PLCB3: variants seen among roughly 807,000 people sequenced by gnomAD.
PLCB3 encodes the protein phospholipase C beta 3, also known as 1-phosphatidylinositol 4,5-bisphosphate phosphodiesterase beta-3.
PLCB3 carries 54 observed loss-of-function variants against 152.1 expected under a neutral mutation model. That is an observed-to-expected ratio of 0.36 (90% confidence interval 0.29 to 0.45). The LOEUF (loss-of-function observed/expected upper bound fraction) is 0.45. PLCB3 is among the 20% of genes least tolerant of loss of function. The pLI, the probability that PLCB3 is intolerant of heterozygous loss-of-function variation, is 1.00. For missense variants in PLCB3, 1,248 were observed against 1,687.5 expected, an observed-to-expected ratio of 0.74 and a Z score of 4.56; for synonymous variants, 717 against 698.7, an observed-to-expected ratio of 1.03 and a Z score of -0.41.
rs2031881555 is a variant in PLCB3, at chr11:64,262,087, G to A, written c.2038+11G>A. 4 of 1,613,824 alleles carry A rather than the reference G, an allele frequency of 2.5e-6. No homozygotes were observed. The highest frequency in any genetic ancestry group is 3.4e-6 in the Non-Finnish European group (4 of 1,179,964). On this transcript the variant is annotated intron_variant, in intron 17 of 30. Coordinates refer to ENST00000279230, the MANE Select transcript of PLCB3 (RefSeq NM_000932.5). ...ACTTCCAGACCCTCGGTGAGCCCTGGCCCCCTCCATCTTGACCCCGACCCT... is the reference window on the plus strand; with the variant it reads ...ACTTCCAGACCCTCGGTGAGCCCTGACCCCCTCCATCTTGACCCCGACCCT...
rs114945525 is a variant in PLCB3 at position 64,263,148 on chromosome 11, T to C, written c.2355+340T>C. Among the ~76,000 whole-genome samples, 739 of 152,340 alleles carry C rather than the reference T, an allele frequency of 4.9e-3. 5 individuals are homozygous for C. Among genetic ancestry groups the C allele is most frequent in the African/African-American group, 0.017 (701 of 41,574 alleles). Reference sequence around the variant, plus strand: ...CGCTCTTCAGCACCCCGCACGGCCCTGCATGGACGCGGCCTCTGCTCCCAG... The same window carrying C: ...CGCTCTTCAGCACCCCGCACGGCCCCGCATGGACGCGGCCTCTGCTCCCAG... On this transcript the variant is annotated intron_variant, in intron 19 of 30. Coordinates refer to ENST00000279230, the MANE Select transcript of PLCB3 (RefSeq NM_000932.5).
At position 64,255,695 on chromosome 11, in the gene PLCB3, C is replaced by G; in HGVS notation, c.598-26C>G. On this transcript the variant is annotated intron_variant, in intron 7 of 30. Transcript: ENST00000279230. This position sits in a 1 kb window ranked among gnomAD's most constrained non-coding sequence, Gnocchi z 6.8. ...TTACGGGGCTGCCCGCCCCTGGCTT[C>G]TCACCCCACACTCCTCGACCTCCAG... 1 of 1,611,028 alleles carries G rather than the reference C, an allele frequency of 6.2e-7. No homozygotes were observed. The highest frequency in any genetic ancestry group is 8.5e-7 in the Non-Finnish European group (1 of 1,177,520).
chr11:64,257,255 C>T lies in PLCB3; in HGVS notation c.1012+491C>T, dbSNP rs370087722. 2.0e-4 allele frequency among the ~76,000 whole-genome samples: 31 copies of T among 152,248 alleles called. No individual in the cohort carries two copies. The East Asian group carries it at 3.3e-3, about 16-fold the overall frequency. On this transcript the variant is annotated intron_variant, in intron 10 of 30. Coordinates refer to ENST00000279230, the MANE Select transcript of PLCB3 (RefSeq NM_000932.5). ...TCAACCTCAGGTGATCCGCCTGCCT[C>T]GCCCTCCCAAAGTGCTGGGATTATA... is the stretch of plus-strand genomic sequence containing the variant.
At position 64,258,452 on chromosome 11, in the gene PLCB3, G is replaced by C. The variant is rs1422254785; in HGVS notation, c.1013-21G>C. 1 of 1,608,140 alleles carries C rather than the reference G, an allele frequency of 6.2e-7. No individual in the cohort carries two copies. ...AGCTGGGCTGGTGGGCGGCCTCGGT[G>C]ACAGAGCCTCGCCGCCCCAGCGGGG... On this transcript the variant is annotated intron_variant, in intron 10 of 30. Transcript: ENST00000279230. This position sits in a 1 kb window ranked among gnomAD's most constrained non-coding sequence, Gnocchi z 7.2.
At position 64,267,478 on chromosome 11, in the gene PLCB3, C is replaced by G; in HGVS notation, c.3627C>G (p.Ser1209Arg). ...ACGGGCCTCTGGTGGCCTGTGCCAG[C>G]AACGGTCACGCACCCGGGAGCAGCG... ...LGDGPLVACA[S>R]NGHAPGSSGH... Residue 1209 changes from serine (S) to arginine (R), a missense_variant, in exon 31 of 31, where the codon AGC becomes AGG. By Grantham distance (110) the Ser-to-Arg change is moderately radical. Around this residue, in one of 6 missense-constraint regions of PLCB3, gnomAD observed 477 missense variants for 489.6 expected, o/e 0.97. Transcript: ENST00000279230. This position sits in a 1 kb window ranked among gnomAD's most constrained non-coding sequence, Gnocchi z 5.2. 6 of 1,565,698 alleles carry G rather than the reference C, an allele frequency of 3.8e-6. No individual in the cohort carries two copies. Among genetic ancestry groups the G allele is most frequent in the Non-Finnish European group, 5.2e-6 (6 of 1,159,730 alleles).
intron 1 of PLCB3, among the ~76,000 whole-genome samples, chr11:64,252,324 C>T (rs1380322315): frequency 6.6e-6 from 1 of 152,084 alleles, no homozygotes; most frequent in East Asian, 1.9e-4. Context: ...GAGACTTTGC[C>T]CCCCAAGTTC....
Position 64,258,672 on chromosome 11 carries a change from G to A in PLCB3, c.1212G>A (p.Ser404=), listed in dbSNP as rs2244625. 0.64 allele frequency: 1,028,972 copies of A among 1,613,334 alleles called. 340,991 individuals carry two copies. The highest frequency in any genetic ancestry group is 0.69 in the Non-Finnish European group (811,888 of 1,179,690). ...EAIAETAFKT[S]PYPVILSFEN... ...TTGCCGAGACTGCCTTCAAGACCTC[G>A]CCCTACCCCGTCATCCTCTCCTTCG... Residue 404 remains serine (S), a synonymous_variant, in exon 11 of 31, where the codon TCG becomes TCA. Coordinates refer to ENST00000279230, the MANE Select transcript of PLCB3 (RefSeq NM_000932.5). This position sits in a 1 kb window ranked among gnomAD's most constrained non-coding sequence, Gnocchi z 7.2.
rs201285488 is a variant in PLCB3, at chr11:64,265,986, C to T, written c.3136C>T (p.Arg1046Trp). 32 of 1,613,920 alleles carry T rather than the reference C, an allele frequency of 2.0e-5. No individual in the cohort carries two copies. The highest frequency in any genetic ancestry group is 1.0e-4 in the Admixed American group (6 of 60,002). ...NRQVQSLLELREAQVDAEAQR... is the reference protein window; with the variant it reads ...NRQVQSLLELWEAQVDAEAQR... ...ACAGGTGCAGAGCCTGCTGGAGCTG[C>T]GGGAGGCCCAGGTGGACGCAGAGGC... The change falls in exon 26 of 31, where the codon CGG becomes TGG. Residue 1046 changes from arginine to tryptophan, a missense_variant. Physicochemically the swap from Arg to Trp is moderately radical, Grantham distance 101. This residue lies in a region of PLCB3 where 477 missense variants were observed against 489.6 expected (regional missense o/e 0.97). Coordinates refer to ENST00000279230, the MANE Select transcript of PLCB3 (RefSeq NM_000932.5).
Position 64,262,429 on chromosome 11 carries a change from G to T in PLCB3, c.2061G>T (p.Ala687=), listed in dbSNP as rs372858684. The stretch of plus-strand genomic sequence containing the variant: ...CAGATGTGGCGATGCAGCTCAACGC[G>T]GGCGTTTTTGAGTACAACGGGCGCA... ...QTLDVAMQLN[A]GVFEYNGRSG... The change falls in exon 18 of 31, where the codon GCG becomes GCT. Residue 687 remains alanine (A), a synonymous_variant. Coordinates refer to ENST00000279230, the MANE Select transcript of PLCB3 (RefSeq NM_000932.5). 1 of 1,613,618 alleles carries T rather than the reference G, an allele frequency of 6.2e-7. No individual in the cohort carries two copies. The highest frequency in any genetic ancestry group is 1.3e-5 in the African/African-American group (1 of 75,064).
intron 10 of PLCB3, 21 bp downstream of exon 10, chr11:64,256,785 G>A (rs2031556011): frequency 1.2e-6 from 2 of 1,611,430 alleles, no homozygotes; most frequent in East Asian, 2.2e-5. Flanking sequence ...AGCAAGGGTG[G>A]CACCCGTGAC....
intron 14 of PLCB3, among the ~76,000 whole-genome samples, chr11:64,261,165 C>G (rs2031827715): frequency 6.6e-6 from 1 of 152,154 alleles, no homozygotes; most frequent in African/African-American, 2.4e-5. Context: ...ATTAGCCGGG[C>G]AAGGTGGCGG....
intron 1 of PLCB3, among the ~76,000 whole-genome samples, chr11:64,252,692 G>A: frequency 6.6e-6 from 1 of 152,164 alleles, no homozygotes; most frequent in East Asian, 1.9e-4. Flanking sequence ...GGTGCCTGGG[G>A]GCCCCAGGGG....
intron 13 of PLCB3, 72 bp downstream of exon 13, chr11:64,259,316 C>T: frequency 1.6e-6 from 2 of 1,252,582 alleles, no homozygotes; most frequent in South Asian, 3.1e-5. Context: ...CGCCGTGACA[C>T]TTCATCCCAG....
intron 2 of PLCB3, 27 bp from the exon 3 acceptor site, chr11:64,254,721 C>T (rs2135040026): frequency 6.2e-7 from 1 of 1,609,630 alleles, no homozygotes; most frequent in South Asian, 1.1e-5. Flanking sequence ...GCCTCTCATA[C>T]TCAGCCTGGC....
Position 64,267,270 on chromosome 11 carries a change from A to G in PLCB3, c.3500A>G (p.Lys1167Arg), listed in dbSNP as rs1439289068. 6.4e-7 allele frequency: 1 copy of G among 1,550,944 alleles called. No individual in the cohort carries two copies. The highest frequency in any genetic ancestry group is 1.2e-5 in the South Asian group (1 of 84,062). Reference sequence around the variant, plus strand: ...CAACAGCTGGCAGAAGAGGAGCCCAAGGTGAGGCCATGGGCGAACAGGTGG... The same window carrying G: ...CAACAGCTGGCAGAAGAGGAGCCCAGGGTGAGGCCATGGGCGAACAGGTGG... ...VLQQLAEEEP[K>R]LLAQLAQECQ... Residue 1167 changes from lysine (K) to arginine (R), a missense_variant and splice_region_variant, in exon 30 of 31, where the codon AAG (lysine) becomes AGG (arginine). Around this residue, in one of 6 missense-constraint regions of PLCB3, gnomAD observed 477 missense variants for 489.6 expected, o/e 0.97. Transcript: ENST00000279230. The surrounding 1 kb of genome is among the most constrained non-coding windows in gnomAD (Gnocchi z 5.2).
chr11:64,265,390 C>A lies in PLCB3; in HGVS notation c.2923C>A (p.Arg975=). Residue 975 remains arginine (R), a synonymous_variant, in exon 25 of 31, where the codon CGG becomes AGG. Coordinates refer to ENST00000279230, the MANE Select transcript of PLCB3 (RefSeq NM_000932.5). ...KLRSRQERDL[R]ELRKKHQRKA... Reference sequence around the variant, plus strand: ...CCGGAGCCGGCAAGAGCGAGACCTGCGGGAGCTGCGCAAGAAGCATCAGCG... The same window carrying A: ...CCGGAGCCGGCAAGAGCGAGACCTGAGGGAGCTGCGCAAGAAGCATCAGCG... The A allele has an allele frequency of 6.2e-7, 1 of 1,612,370 alleles. No individual in the cohort carries two copies. Among genetic ancestry groups the A allele is most frequent in the Non-Finnish European group, 8.5e-7 (1 of 1,179,762 alleles).
At position 64,255,003 on chromosome 11, in the gene PLCB3, T is replaced by C; in HGVS notation, c.352T>C (p.Leu118=). The C allele has an allele frequency of 6.3e-7, 1 of 1,577,066 alleles. No homozygotes were observed. Among genetic ancestry groups the C allele is most frequent in the Non-Finnish European group, 8.6e-7 (1 of 1,159,322 alleles). ...SGPDPVNTVF[L]NFMAVQDDTA... Reference sequence around the variant, plus strand: ...GCCAGACCCAGTGAACACAGTGTTCTTGAACTTCATGGCCGTGCAGGATGA... The same window carrying C: ...GCCAGACCCAGTGAACACAGTGTTCCTGAACTTCATGGCCGTGCAGGATGA... The change falls in exon 4 of 31, where the codon TTG becomes CTG. Residue 118 remains leucine, a synonymous_variant. Coordinates refer to ENST00000279230, the MANE Select transcript of PLCB3 (RefSeq NM_000932.5). The surrounding 1 kb of genome is among the most constrained non-coding windows in gnomAD (Gnocchi z 6.8).
Position 64,267,794 on chromosome 11 carries a change from G to C in PLCB3, c.*238G>C. The C allele has an allele frequency of 4.2e-6, 2 of 471,230 alleles. No individual in the cohort carries two copies. The highest frequency in any genetic ancestry group is 3.8e-5 in the Admixed American group (1 of 26,086). The allele number at this position is 471,230 out of a possible 1,614,324, so 29.2% of individuals were successfully genotyped here. A position where few individuals can be genotyped will look rare whatever the true frequency, so the allele number is the denominator to read the frequency against. On this transcript the variant is annotated 3_prime_UTR_variant, in exon 31 of 31. Coordinates refer to ENST00000279230, the MANE Select transcript of PLCB3 (RefSeq NM_000932.5). This position sits in a 1 kb window ranked among gnomAD's most constrained non-coding sequence, Gnocchi z 5.2. Reference sequence around the variant, plus strand: ...TGCTCCCTGTGACACCCACACCCTCGAGCTAGCAGCGTCTCCTCCCTTCCC... The same window carrying C: ...TGCTCCCTGTGACACCCACACCCTCCAGCTAGCAGCGTCTCCTCCCTTCCC...
In PLCB3 at chr11:64,260,772, C is replaced by CAAA. The variant is rs10689916; in HGVS notation, c.1731+558_1731+560dup. Reference sequence around the variant, plus strand: ...TGGGCTAAAAAGGGAGACACTATCTCAAAAAAAAAAAAAAAAAAAAAAGAC... The same window carrying CAAA: ...TGGGCTAAAAAGGGAGACACTATCTCAAAAAAAAAAAAAAAAAAAAAAAAAGAC... On this transcript the variant is annotated intron_variant, in intron 14 of 30. Coordinates refer to ENST00000279230, the MANE Select transcript of PLCB3 (RefSeq NM_000932.5). 8.1e-3 allele frequency among the ~76,000 whole-genome samples: 571 copies of CAAA among 70,410 alleles called. 26 individuals carry two copies. Among genetic ancestry groups the CAAA allele is most frequent in the South Asian group, 0.039 (60 of 1,526 alleles). 46.2% of individuals were successfully genotyped at this position (70,410 alleles called of 152,430 possible).
Sources: allele counts gnomAD v4.1 joint callset (sites outside exome capture counted in the v4.1 genomes callset), GRCh38; gene constraint gnomAD v4.1.1; regional missense constraint gnomAD v4.1.1; non-coding constraint Gnocchi (gnomAD v3.1); transcripts MANE v1.5; gene names NCBI Gene and HGNC (gene_info 2026-07-23, HGNC 2026-07-21).